The following MAF variants were observed in gnomAD, a reference collection of about 807,000 sequenced individuals.
The protein encoded by MAF is transcription factor Maf.
Under a neutral mutation model 22.0 loss-of-function variants are expected in MAF, and 10 were observed. The ratio of observed to expected loss-of-function variants is 0.45; its 90% CI spans 0.28 to 0.77. MAF has a LOEUF of 0.77. Ranked by LOEUF, MAF falls within the 30% of genes least tolerant of loss-of-function variation. MAF has a pLI of 0.12. For missense variants in MAF, 544 were observed against 548.4 expected (o/e 0.99, Z 0.08); for synonymous variants, 337 against 255.8 (o/e 1.32, Z -3.03).
At chr16:79,304,012 T>C in the MAF span, among the ~76,000 whole-genome samples, 15 of 152,202 alleles carry the variant, frequency 9.9e-5, no homozygotes, top group African/African-American at 3.4e-4. Flanking sequence ...TCAGTGGAAA[T>C]AAGGCGAAAG....
chr16:79,553,947 G>C, the MAF span, among the ~76,000 whole-genome samples: 1 of 152,028 alleles, frequency 6.6e-6, no homozygotes, highest in African/African-American at 2.4e-5. Flanking sequence ...AAATTATCCA[G>C]GTGTGGTGGT....
At chr16:79,404,564 C>A in the MAF span, among the ~76,000 whole-genome samples, 1 of 152,224 alleles carries the variant, frequency 6.6e-6, no homozygotes, top group South Asian at 2.1e-4. Context: ...CTTTACTTAC[C>A]GCATGGGGTG....
At chr16:79,379,812 A>G in the MAF span, among the ~76,000 whole-genome samples, 1 of 152,160 alleles carries the variant, frequency 6.6e-6, no homozygotes, top group South Asian at 2.1e-4. Context: ...TCCAAGCGGT[A>G]AAGCTCTGTG....
chr16:79,215,938 CCACT>C, the MAF span, among the ~76,000 whole-genome samples: 2 of 152,260 alleles, frequency 1.3e-5, no homozygotes, highest in Non-Finnish European at 1.5e-5. Flanking sequence ...CTCCCTGAAC[CCACT>C]CAGTCAGACA....
At chr16:79,470,243 C>A in the MAF span, among the ~76,000 whole-genome samples, 5 of 152,204 alleles carry the variant, frequency 3.3e-5, no homozygotes, top group Non-Finnish European at 4.4e-5. Flanking sequence ...TGTCCCTTTC[C>A]TTTGTCCTCT....
the MAF span, among the ~76,000 whole-genome samples, chr16:79,333,729 G>C: frequency 1.3e-5 from 2 of 152,164 alleles, no homozygotes; most frequent in Non-Finnish European, 2.9e-5. Context: ...AAACCTATCT[G>C]ATGCCAGATC....
At chr16:79,211,797 G>T in the MAF span, 38 of 1,613,958 alleles carry the variant, frequency 2.4e-5, no homozygotes, top group Non-Finnish European at 3.1e-5. Flanking sequence ...GTCCGGCTAA[G>T]TGGAGCTCAG....
At chr16:79,499,259 T>A in the MAF span, among the ~76,000 whole-genome samples, 3 of 152,290 alleles carry the variant, frequency 2.0e-5, no homozygotes, top group Admixed American at 2.0e-4. Context: ...CAGGTCAAGT[T>A]GGATCTGTTC....
chr16:79,581,277 T>A (rs1912500465), downstream of MAF, among the ~76,000 whole-genome samples: 1 of 152,190 alleles, frequency 6.6e-6, no homozygotes, highest in East Asian at 1.9e-4. Flanking sequence ...CATTTCCTGT[T>A]CATCAGGAAT....
At chr16:79,364,138 T>G in the MAF span, among the ~76,000 whole-genome samples, 1 of 152,196 alleles carries the variant, frequency 6.6e-6, no homozygotes, top group Non-Finnish European at 1.5e-5. Context: ...GTGTCCTACA[T>G]GCCCTAATTG....
the MAF span, among the ~76,000 whole-genome samples, chr16:79,569,844 C>T: frequency 1.3e-5 from 2 of 152,142 alleles, no homozygotes; most frequent in South Asian, 2.1e-4. Context: ...GTCCCCGGCT[C>T]TTAGGGAGGC....
chr16:79,543,806 C>G, the MAF span, among the ~76,000 whole-genome samples: 2 of 152,018 alleles, frequency 1.3e-5, no homozygotes, highest in African/African-American at 2.4e-5. Context: ...CCTGCGTCAG[C>G]CTGCCCAGTA....
downstream of MAF, among the ~76,000 whole-genome samples, chr16:79,590,883 C>A (rs1427824517): frequency 6.6e-6 from 1 of 152,116 alleles, no homozygotes; most frequent in Non-Finnish European, 1.5e-5. Context: ...CCTCGGCCTG[C>A]TTTCCTTCTG....
the MAF span, among the ~76,000 whole-genome samples, chr16:79,349,691 G>A: frequency 6.6e-6 from 1 of 152,158 alleles, no homozygotes; most frequent in Non-Finnish European, 1.5e-5. Context: ...ATTTCGTGGT[G>A]ATGTTTGGCT....
At chr16:79,492,326 C>A in the MAF span, among the ~76,000 whole-genome samples, 18 of 152,218 alleles carry the variant, frequency 1.2e-4, 1 homozygote, top group African/African-American at 4.3e-4. Flanking sequence ...AAATTCAACA[C>A]TATAATTAAT....
chr16:79,460,367 A>T, the MAF span, among the ~76,000 whole-genome samples: 1 of 152,216 alleles, frequency 6.6e-6, no homozygotes. Flanking sequence ...AATTGTCCCG[A>T]CAATATGTAT....
chr16:79,219,188 G>A, the MAF span, among the ~76,000 whole-genome samples: 4 of 152,158 alleles, frequency 2.6e-5, no homozygotes, highest in Non-Finnish European at 5.9e-5. Context: ...GATGAGGGAG[G>A]CTCTGTGTCT....
At chr16:79,560,713 T>C in the MAF span, among the ~76,000 whole-genome samples, 50 of 152,262 alleles carry the variant, frequency 3.3e-4, no homozygotes, top group African/African-American at 1.1e-3. Flanking sequence ...GGAATGAGCC[T>C]AGAAGTCACT....
the MAF span, among the ~76,000 whole-genome samples, chr16:79,466,478 A>G: frequency 6.6e-6 from 1 of 152,200 alleles, no homozygotes; most frequent in African/African-American, 2.4e-5. Context: ...CAGTCCTGGG[A>G]TTAAATAATA....
Sources: allele counts gnomAD v4.1 joint callset (sites outside exome capture counted in the v4.1 genomes callset), GRCh38; gene constraint gnomAD v4.1.1; transcripts MANE v1.5; gene names NCBI Gene and HGNC (gene_info 2026-07-23, HGNC 2026-07-21).